Variants in TMIGD3 observed in about 807,000 individuals in gnomAD.
TMIGD3 encodes transmembrane and immunoglobulin domain containing 3.
A neutral mutation model predicts 28.1 loss-of-function variants in TMIGD3; 21 were observed. The ratio of observed to expected loss-of-function variants is 0.75; its 90% confidence interval spans 0.53 to 1.08. The LOEUF is 1.08. Ranked by LOEUF, TMIGD3 falls within the 50% of genes least tolerant of loss-of-function variation. TMIGD3 has a pLI of 0.00. For missense variants in TMIGD3, 416 were observed against 435.6 expected (o/e 0.96, Z 0.40); for synonymous variants, 151 against 162.1 (o/e 0.93, Z 0.52).
At chr1:111,544,688 C>T (rs549888141) in intron 1 of TMIGD3, among the ~76,000 whole-genome samples, 11 of 152,244 alleles carry the variant, frequency 7.2e-5, no homozygotes, top group African/African-American at 2.6e-4. Flanking sequence ...TTTGCGTGAA[C>T]ATATGTTTTT....
At chr1:111,510,322 T>C (rs1216929650) in intron 1 of TMIGD3, among the ~76,000 whole-genome samples, 1 of 152,166 alleles carries the variant, frequency 6.6e-6, no homozygotes, top group African/African-American at 2.4e-5. Context: ...CCCTCTGCTT[T>C]GTATGAAAGG....
intron 1 of TMIGD3, among the ~76,000 whole-genome samples, chr1:111,549,517 G>A (rs78909791): frequency 0.027 from 4,082 of 151,808 alleles, 174 homozygotes; most frequent in African/African-American, 0.093. Context: ...TGGTGTGGTG[G>A]CATGCGCCTG....
chr1:111,495,864 T>G (rs1224535422), intron 1 of TMIGD3, among the ~76,000 whole-genome samples: 1 of 152,196 alleles, frequency 6.6e-6, no homozygotes, highest in Admixed American at 6.5e-5. Context: ...GGAACATAGA[T>G]GGAGCTGGAG....
chr1:111,490,822 C>T (rs1654623581), intron 1 of TMIGD3, 60 bp from the exon 2 acceptor site: 1 of 1,320,314 alleles, frequency 7.6e-7, no homozygotes, highest in Admixed American at 2.0e-5. Flanking sequence ...TTTGAAGAGA[C>T]CAGTGAAAAG....
At chr1:111,533,088 A>G (rs1323359200) in intron 1 of TMIGD3, among the ~76,000 whole-genome samples, 1 of 152,200 alleles carries the variant, frequency 6.6e-6, no homozygotes, top group Non-Finnish European at 1.5e-5. Flanking sequence ...GGAGCCAAGC[A>G]TGTTATGATT....
intron 5 of TMIGD3, chr1:111,485,191 T>A (rs2800902): frequency 0.79 from 120,669 of 152,202 alleles, 47,844 homozygotes; most frequent in Middle Eastern, 0.88. Flanking sequence ...ACAATGTCTT[T>A]AAAAAAATAA....
rs368999683 is a variant in TMIGD3, at chr1:111,563,660, C to T, written c.107+186G>A. Reference sequence around the variant, plus strand: ...CTTTCCAGTTCACAGAGCATTTTCACGTATATTATGTCACATCATCTTCAC... The same window carrying T: ...CTTTCCAGTTCACAGAGCATTTTCATGTATATTATGTCACATCATCTTCAC... On this transcript the variant is annotated intron_variant, in intron 1 of 5. Coordinates refer to the TMIGD3 transcript ENST00000369717. Among the ~76,000 whole-genome samples the T allele has an allele frequency of 3.3e-5, 5 of 152,102 alleles. No homozygotes were observed. In the South Asian group the frequency reaches 6.2e-4, roughly 19 times the overall value.
intron 1 of TMIGD3, among the ~76,000 whole-genome samples, chr1:111,559,423 C>A (rs1355384023): frequency 6.6e-6 from 1 of 152,116 alleles, no homozygotes; most frequent in Non-Finnish European, 1.5e-5. Flanking sequence ...CTTAGTGCCT[C>A]CAAAACCAAA....
intron 1 of TMIGD3, among the ~76,000 whole-genome samples, chr1:111,512,395 A>G (rs946393992): frequency 6.6e-6 from 1 of 152,244 alleles, no homozygotes; most frequent in African/African-American, 2.4e-5. Flanking sequence ...AGGAGAAATC[A>G]CTGTCAGGCT....
intron 1 of TMIGD3, among the ~76,000 whole-genome samples, chr1:111,547,484 A>AC (rs1657076539): frequency 6.6e-6 from 1 of 152,144 alleles, no homozygotes; most frequent in Non-Finnish European, 1.5e-5. Flanking sequence ...AAATGGAGTT[A>AC]AAAAATATAA....
intron 4 of TMIGD3, among the ~76,000 whole-genome samples, chr1:111,486,082 G>A (rs1654353187): frequency 6.6e-6 from 1 of 152,164 alleles, no homozygotes; most frequent in East Asian, 1.9e-4. Flanking sequence ...TGTGGATTGG[G>A]AATAGGAGAA....
Position 111,485,739 on chromosome 1 carries a change from C to T in TMIGD3, c.973+1G>A. ...CCCCTCCCTCAACAATAGCTACTTA[C>T]CCCTTCTATTCCTTTGACTTCTCCT... On this transcript the variant is annotated splice_donor_variant, in intron 5 of 5. Transcript: ENST00000369716. LOFTEE classifies it high-confidence loss of function. 1 of 611,984 alleles carries T rather than the reference C, an allele frequency of 1.6e-6. No individual in the cohort carries two copies. Among genetic ancestry groups the T allele is most frequent in the Non-Finnish European group, 3.0e-6 (1 of 330,940 alleles). The allele number at this position is 611,984 out of a possible 1,614,324, so 37.9% of individuals were successfully genotyped here. A position where few individuals can be genotyped will look rare whatever the true frequency, so the allele number is the denominator to read the frequency against.
chr1:111,510,415 A>C (rs1409245586), intron 1 of TMIGD3, among the ~76,000 whole-genome samples: 2 of 150,704 alleles, frequency 1.3e-5, no homozygotes, highest in East Asian at 4.0e-4. Flanking sequence ...TGTCTCTTAC[A>C]TAAAGTTTCA....
At chr1:111,489,085 C>G in intron 2 of TMIGD3, 61 bp from the exon 3 acceptor site, 1 of 1,454,522 alleles carries the variant, frequency 6.9e-7, no homozygotes, top group Non-Finnish European at 9.4e-7. Context: ...TCTCTCAAAA[C>G]ATTGCAGCTC....
At chr1:111,551,981 G>A (rs1414935333) in intron 1 of TMIGD3, among the ~76,000 whole-genome samples, 1 of 152,206 alleles carries the variant, frequency 6.6e-6, no homozygotes, top group Non-Finnish European at 1.5e-5. Context: ...AGAAATGTAA[G>A]AGCTTTTCAA....
At chr1:111,489,072 T>A in intron 2 of TMIGD3, 48 bp from the exon 3 acceptor site, 1 of 1,489,850 alleles carries the variant, frequency 6.7e-7, no homozygotes, top group Middle Eastern at 1.9e-4. Flanking sequence ...CACACACCAT[T>A]GTTCTCTCAA....
At chr1:111,506,191 A>G (rs927760563), upstream of TMIGD3, among the ~76,000 whole-genome samples, 13 of 152,234 alleles carry the variant, frequency 8.5e-5, no homozygotes, top group African/African-American at 2.9e-4. Context: ...CCTGGAGGAC[A>G]GGGACCACCA....
Position 111,485,723 on chromosome 1 carries a change from C to CAAAAAA in TMIGD3, c.973+16_973+17insTTTTTT. 5.8e-5 allele frequency: 77 copies of CAAAAAA among 1,324,438 alleles called. No individual in the cohort carries two copies. Among genetic ancestry groups the CAAAAAA allele is most frequent in the Middle Eastern group, 1.9e-4 (1 of 5,360 alleles). The allele number at this position is 1,324,438 out of a possible 1,614,324, so 82.0% of individuals were successfully genotyped here. A position where few individuals can be genotyped will look rare whatever the true frequency, so the allele number is the denominator to read the frequency against. On this transcript the variant is annotated intron_variant, in intron 5 of 5. Coordinates refer to ENST00000369716, the MANE Select transcript of TMIGD3 (RefSeq NM_020683.7). ...TCTAATTCTTGCCCACCCCCTCCCT[C>CAAAAAA]AACAATAGCTACTTACCCCTTCTAT...
At chr1:111,552,798 A>T (rs61788210) in intron 1 of TMIGD3, among the ~76,000 whole-genome samples, 1 of 152,004 alleles carries the variant, frequency 6.6e-6, no homozygotes, top group African/African-American at 2.4e-5. Flanking sequence ...CAGTTTTAAC[A>T]TCTGTAAAAT....
Sources: allele counts gnomAD v4.1 joint callset (sites outside exome capture counted in the v4.1 genomes callset), GRCh38; gene constraint gnomAD v4.1.1; transcripts MANE v1.5; gene names NCBI Gene and HGNC (gene_info 2026-07-23, HGNC 2026-07-21).